Variants in ANTXR1 observed in about 807,000 individuals in gnomAD.
ANTXR1 encodes the protein anthrax toxin receptor 1.
ANTXR1 carries 19 observed loss-of-function variants against 78.1 expected under a neutral mutation model. The ratio of observed to expected loss-of-function variants is 0.24; its 90% CI spans 0.17 to 0.36. The LOEUF is 0.36. Ranked by LOEUF, ANTXR1 falls within the 10% of genes least tolerant of loss-of-function variation. The probability of loss-of-function intolerance (pLI) is 1.00; values close to 1 mark genes in which losing one functional copy is unlikely to be tolerated. For synonymous variants in ANTXR1, 273 were observed against 260.5 expected (o/e 1.05, Z -0.46); for missense variants, 518 against 718.6 (o/e 0.72, Z 3.19).
intron 12 of ANTXR1, among the ~76,000 whole-genome samples, chr2:69,144,364 T>C (rs1490647292): frequency 6.6e-6 from 1 of 152,206 alleles, no homozygotes; most frequent in Non-Finnish European, 1.5e-5. Context: ...TGAGTCTTTG[T>C]AATTAGAACA....
At chr2:69,130,939 G>A (rs2104395500) in intron 12 of ANTXR1, among the ~76,000 whole-genome samples, 1 of 152,324 alleles carries the variant, frequency 6.6e-6, no homozygotes, top group African/African-American at 2.4e-5. Context: ...ACAAGACTGG[G>A]TGGCAGGCTG....
At chr2:69,046,507 G>A (rs935720692) in intron 3 of ANTXR1, among the ~76,000 whole-genome samples, 3 of 152,202 alleles carry the variant, frequency 2.0e-5, no homozygotes, top group Admixed American at 6.5e-5. Flanking sequence ...GCTGGAAGCA[G>A]CATTTTGTAT....
At chr2:69,153,012 T>C (rs978030091) in intron 13 of ANTXR1, among the ~76,000 whole-genome samples, 2 of 152,074 alleles carry the variant, frequency 1.3e-5, no homozygotes, top group African/African-American at 4.8e-5. Flanking sequence ...AACAAAGTAA[T>C]AGCCAAATAA....
At position 69,073,101 on chromosome 2, in the gene ANTXR1, G is replaced by T. The variant is rs1442775684; in HGVS notation, c.492G>T (p.Glu164Asp). Reference protein sequence around the residue: ...HEDLFFYSEREANRSRDLGAI... With the variant: ...HEDLFFYSERDANRSRDLGAI... ...ATCTCTTTTTCTATTCAGAGAGGGA[G>T]GTAAGCAACGGCCTGGCTGTGTCTA... Residue 164 changes from glutamate to aspartate, a missense_variant and splice_region_variant, in exon 6 of 18, where the codon GAG (glutamate) becomes GAT (aspartate). Glu to Asp is a conservative substitution (Grantham distance 45). Around this residue, in one of 5 missense-constraint regions of ANTXR1, gnomAD observed 264 missense variants for 391.8 expected, o/e 0.67. Transcript: ENST00000303714. 2 of 1,613,952 alleles carry T rather than the reference G, an allele frequency of 1.2e-6. No individual in the cohort carries two copies. The highest frequency in any genetic ancestry group is 1.7e-6 in the Non-Finnish European group (2 of 1,179,848).
At chr2:69,140,452 A>G (rs1400048861) in intron 12 of ANTXR1, among the ~76,000 whole-genome samples, 1 of 152,234 alleles carries the variant, frequency 6.6e-6, no homozygotes, top group East Asian at 1.9e-4. Context: ...CTTTAAAGCC[A>G]CAATATTTGA....
At chr2:69,141,490 G>C (rs1673067161) in intron 12 of ANTXR1, among the ~76,000 whole-genome samples, 1 of 151,990 alleles carries the variant, frequency 6.6e-6, no homozygotes, top group South Asian at 2.1e-4. Flanking sequence ...TGAGTCCAGT[G>C]TGCGCAAGTC....
intron 13 of ANTXR1, among the ~76,000 whole-genome samples, chr2:69,159,189 A>G (rs1469912131): frequency 6.6e-6 from 1 of 152,204 alleles, no homozygotes; most frequent in African/African-American, 2.4e-5. Context: ...AGTTTCTTAA[A>G]TAAAATCCTA....
chr2:69,060,943 G>A (rs1237712270), intron 3 of ANTXR1, among the ~76,000 whole-genome samples: 1 of 152,116 alleles, frequency 6.6e-6, no homozygotes, highest in East Asian at 1.9e-4. Context: ...CCATCTTTGA[G>A]GAAACTGAGA....
At chr2:69,182,239 G>A (rs1170533870) in intron 15 of ANTXR1, among the ~76,000 whole-genome samples, 2 of 152,128 alleles carry the variant, frequency 1.3e-5, no homozygotes, top group Admixed American at 1.3e-4. Context: ...GAACCTGCAA[G>A]GTCTTTGCAT....
At position 69,039,235 on chromosome 2, in the gene ANTXR1, A is replaced by G. The variant is rs142573462; in HGVS notation, c.153-809A>G. 3.3e-3 allele frequency among the ~76,000 whole-genome samples: 496 copies of G among 152,308 alleles called. 1 individual carries two copies. Among genetic ancestry groups the G allele is most frequent in the Non-Finnish European group, 5.9e-3 (402 of 68,018 alleles). On this transcript the variant is annotated intron_variant, in intron 1 of 17. Transcript: ENST00000303714. ...AAAAACTAATCGGAGCCATTGCAAC[A>G]AACTGAATATGAGCACTATGGAAAA...
rs1479080435 is a variant in ANTXR1 at position 69,193,585 on chromosome 2, A to G, written c.1434+170A>G. Among the ~76,000 whole-genome samples, 3 of 152,162 alleles carry G rather than the reference A, an allele frequency of 2.0e-5. No individual in the cohort carries two copies. The South Asian group carries it at 6.2e-4, about 31-fold the overall frequency. On this transcript the variant is annotated intron_variant, in intron 17 of 17. Transcript: ENST00000303714. ...CTCCAGATTTACAAATCCAGCTATT[A>G]TTTCATGTTGCAACAAATCAGACAT...
chr2:69,157,586 C>T (rs914822192), intron 13 of ANTXR1, among the ~76,000 whole-genome samples: 2 of 152,156 alleles, frequency 1.3e-5, no homozygotes, highest in African/African-American at 4.8e-5. Flanking sequence ...TCTTCTGTCC[C>T]TCCTTGTCTT....
intron 14 of ANTXR1, among the ~76,000 whole-genome samples, chr2:69,170,737 C>A (rs1301171324): frequency 2.0e-5 from 3 of 152,110 alleles, no homozygotes; most frequent in Non-Finnish European, 2.9e-5. Context: ...CTTCATTTTT[C>A]TTTCATTTAA....
intron 10 of ANTXR1, chr2:69,103,475 G>A (rs1008956006): frequency 6.4e-5 from 11 of 172,726 alleles, no homozygotes; most frequent in Non-Finnish European, 3.8e-5. Flanking sequence ...TTTCAATCTG[G>A]ATGATTCTTG....
At chr2:69,159,993 A>G (rs1673635397) in intron 13 of ANTXR1, among the ~76,000 whole-genome samples, 1 of 152,250 alleles carries the variant, frequency 6.6e-6, no homozygotes, top group African/African-American at 2.4e-5. Flanking sequence ...ACCCAAGCCT[A>G]ACATCACCAA....
At chr2:69,215,511 G>A (rs76406367) in intron 17 of ANTXR1, among the ~76,000 whole-genome samples, 7,953 of 152,176 alleles carry the variant, frequency 0.052, 543 homozygotes, top group African/African-American at 0.15. Context: ...ATGCCCCATG[G>A]GGCATAGACA....
chr2:69,046,122 TG>T (rs2104097025), intron 3 of ANTXR1, among the ~76,000 whole-genome samples: 1 of 152,294 alleles, frequency 6.6e-6, no homozygotes, highest in African/African-American at 2.4e-5. Flanking sequence ...AGATGTTTTT[TG>T]TTCTGCGATG....
chr2:69,143,453 C>T (rs1673127133), intron 12 of ANTXR1, among the ~76,000 whole-genome samples: 1 of 152,098 alleles, frequency 6.6e-6, no homozygotes, highest in Admixed American at 6.5e-5. Flanking sequence ...ACAGTGAGTT[C>T]AGTGTGAACG....
At chr2:69,035,963 G>C (rs572720149) in intron 1 of ANTXR1, among the ~76,000 whole-genome samples, 125 of 152,302 alleles carry the variant, frequency 8.2e-4, no homozygotes, top group African/African-American at 2.7e-3. Context: ...TAGAAGTATA[G>C]TGAAAATGAC....
Sources: allele counts gnomAD v4.1 joint callset (sites outside exome capture counted in the v4.1 genomes callset), GRCh38; gene constraint gnomAD v4.1.1; regional missense constraint gnomAD v4.1.1; transcripts MANE v1.5; gene names NCBI Gene and HGNC (gene_info 2026-07-23, HGNC 2026-07-21).